Variants in GLYR1 observed in about 807,000 individuals in gnomAD.
The protein encoded by GLYR1 is cytokine-like nuclear factor N-PAC.
Under a neutral mutation model 72.7 loss-of-function variants are expected in GLYR1, and 21 were observed. That is an observed-to-expected ratio of 0.29 (90% CI 0.20 to 0.42). The LOEUF is 0.42. Ranked by LOEUF, GLYR1 falls within the 10% of genes least tolerant of loss-of-function variation. GLYR1 has a pLI of 1.00. For synonymous variants in GLYR1, 392 were observed against 270.2 expected, an observed-to-expected ratio of 1.45 and a Z score of -4.42; for missense variants, 594 against 712.1, an observed-to-expected ratio of 0.83 and a Z score of 1.89.
chr16:4,823,239 C>G (rs532032144), intron 6 of GLYR1, among the ~76,000 whole-genome samples: 1 of 152,360 alleles, frequency 6.6e-6, no homozygotes, highest in Admixed American at 6.5e-5. Context: ...AAATTCGGTA[C>G]TCATCAGGCA....
rs1396394883 is a variant in GLYR1, at chr16:4,821,321, C to A, written c.806+59G>T. On this transcript the variant is annotated intron_variant, in intron 9 of 15. Transcript: ENST00000321919. ...CCTTAAAGAACCCCCCTGGGGTCAC[C>A]TTCTCCCCACCCTCAGCAGAACCAG... 3.8e-6 allele frequency: 6 copies of A among 1,575,692 alleles called. No individual in the cohort carries two copies. The South Asian group carries it at 5.5e-5, about 15-fold the overall frequency.
chr16:4,811,056 G>T lies in GLYR1; in HGVS notation c.1587+114C>A, dbSNP rs1049369674. The T allele has an allele frequency of 1.2e-5, 16 of 1,324,522 alleles. No individual in the cohort carries two copies. In the African/African-American group the frequency reaches 2.1e-4, roughly 17 times the overall value. 82.0% of individuals were successfully genotyped at this position (1,324,522 alleles called of 1,614,324 possible). On this transcript the variant is annotated intron_variant, in intron 15 of 15. Coordinates refer to ENST00000321919, the MANE Select transcript of GLYR1 (RefSeq NM_032569.4). The stretch of plus-strand genomic sequence containing the variant: ...GGAGGCGGAGGTTGCATTGAGCTGA[G>T]ATCGCACCAGTGCACTCTAGCCTGG...
At chr16:4,847,179 G>T (rs1393764443) in intron 1 of GLYR1, 49 bp downstream of exon 1, 1 of 1,549,552 alleles carries the variant, frequency 6.5e-7, no homozygotes, top group Non-Finnish European at 8.8e-7. Flanking sequence ...CCGCGCCCAG[G>T]CGGGTAGCTC....
chr16:4,821,523 T>C lies in GLYR1; in HGVS notation c.732+24A>G, dbSNP rs202147519. Reference sequence around the variant, plus strand: ...TTAAGGCCCCAGGTGAAAATTAAAATGGGGAGGCATGGAGCCTACATACCT... The same window carrying C: ...TTAAGGCCCCAGGTGAAAATTAAAACGGGGAGGCATGGAGCCTACATACCT... On this transcript the variant is annotated intron_variant, in intron 8 of 15. Transcript: ENST00000321919. 6 of 1,613,962 alleles carry C rather than the reference T, an allele frequency of 3.7e-6. No homozygotes were observed. In the Admixed American group the frequency reaches 1.0e-4, roughly 27 times the overall value.
At chr16:4,808,168 G>C (rs1367320368) in intron 15 of GLYR1, among the ~76,000 whole-genome samples, 1 of 149,986 alleles carries the variant, frequency 6.7e-6, no homozygotes, top group African/African-American at 2.5e-5. Context: ...CCCAAGAGGT[G>C]GGGGCTGCAG....
chr16:4,826,199 C>T (rs921124401), intron 5 of GLYR1, among the ~76,000 whole-genome samples: 1 of 152,210 alleles, frequency 6.6e-6, no homozygotes, highest in Non-Finnish European at 1.5e-5. Flanking sequence ...AGGTGTGTGC[C>T]ACTACGCCCA....
Position 4,813,815 on chromosome 16 carries a change from C to A in GLYR1, c.1041G>T (p.Val347=), listed in dbSNP as rs200360829. ...ACTTCCCAGGGCGGATCCCTTGCAG[C>A]ACACCACTGGGGCCCAGCACCAGCT... The part of the protein sequence containing the change: ...AKDLVLGPSG[V]LQGIRPGKCY... Residue 347 remains valine, a synonymous_variant, in exon 12 of 16, where the codon GTG becomes GTT. Coordinates refer to ENST00000321919, the MANE Select transcript of GLYR1 (RefSeq NM_032569.4). 1.9e-6 allele frequency: 3 copies of A among 1,612,760 alleles called. No individual in the cohort carries two copies. Among genetic ancestry groups the A allele is most frequent in the Non-Finnish European group, 2.5e-6 (3 of 1,179,444 alleles).
chr16:4,827,770 G>T (rs1001258934), intron 5 of GLYR1, among the ~76,000 whole-genome samples: 2 of 151,864 alleles, frequency 1.3e-5, no homozygotes, highest in Non-Finnish European at 2.9e-5. Context: ...CGTGGTGGCG[G>T]GCACCTGTAG....
intron 1 of GLYR1, chr16:4,846,916 C>T (rs1026977340): frequency 1.8e-4 from 79 of 444,048 alleles, no homozygotes; most frequent in African/African-American, 1.3e-3. Context: ...GGGGACCGGT[C>T]GTCCGGGGAA....
chr16:4,845,012 G>C, intron 3 of GLYR1, 62 bp downstream of exon 3: 2 of 1,070,552 alleles, frequency 1.9e-6, no homozygotes, highest in Non-Finnish European at 2.9e-6. Flanking sequence ...TTTCAAAGCA[G>C]CTCAGACTCC....
intron 3 of GLYR1, among the ~76,000 whole-genome samples, chr16:4,836,378 CTT>C (rs2085133933): frequency 1.3e-5 from 2 of 152,178 alleles, no homozygotes; most frequent in Admixed American, 1.3e-4. Context: ...GAAGCTGTAA[CTT>C]TTGATTTTCC....
At chr16:4,845,647 T>C (rs1180768849) in intron 2 of GLYR1, among the ~76,000 whole-genome samples, 1 of 151,970 alleles carries the variant, frequency 6.6e-6, no homozygotes, top group Non-Finnish European at 1.5e-5. Flanking sequence ...AAAGAGACCA[T>C]CTAAAGACAC....
In GLYR1 at chr16:4,812,114, C is replaced by T. The variant is rs1191180503; in HGVS notation, c.1254G>A (p.Gln418=). The T allele has an allele frequency of 5.0e-6, 8 of 1,614,010 alleles. No homozygotes were observed. In the African/African-American group the frequency reaches 5.3e-5, roughly 11 times the overall value. ...GGAAGAAGGAGGTCTTCCCCATCGC[C>T]TGGAAGCAGCTGCTGCAGTCCTCAT... is the stretch of plus-strand genomic sequence containing the variant. ...GLYEDCSSCF[Q]AMGKTSFFLG... The change falls in exon 13 of 16, where the codon CAG becomes CAA. Residue 418 remains glutamine (Q), a synonymous_variant. Transcript: ENST00000321919.
intron 5 of GLYR1, among the ~76,000 whole-genome samples, chr16:4,830,622 G>A (rs1449507140): frequency 6.6e-6 from 1 of 152,120 alleles, no homozygotes; most frequent in Non-Finnish European, 1.5e-5. Flanking sequence ...TCATGGCCTC[G>A]TCACCCAACT....
At chr16:4,814,470 G>T in intron 11 of GLYR1, 67 bp downstream of exon 11, 2 of 1,189,904 alleles carry the variant, frequency 1.7e-6, no homozygotes, top group African/African-American at 1.5e-5. Flanking sequence ...AGGGGAGGAG[G>T]GGAAGAGGCC....
chr16:4,812,439 G>A (rs1016690468), intron 12 of GLYR1, among the ~76,000 whole-genome samples, 191 bp from the exon 13 acceptor site: 18 of 151,928 alleles, frequency 1.2e-4, no homozygotes, highest in Middle Eastern at 3.5e-3. Context: ...CACACAGGCC[G>A]AATCACAGCA....
chr16:4,832,392 A>AT (rs1203220036), intron 4 of GLYR1, 171 bp from the exon 5 acceptor site: 1 of 770,162 alleles, frequency 1.3e-6, no homozygotes. Context: ...AGATTTAAAA[A>AT]ATATATATAT....
intron 3 of GLYR1, among the ~76,000 whole-genome samples, chr16:4,843,242 C>G (rs765590803): frequency 6.6e-6 from 1 of 152,174 alleles, no homozygotes; most frequent in Non-Finnish European, 1.5e-5. Context: ...ACAATCTCTG[C>G]CTCCTGGGTT....
chr16:4,841,140 G>C (rs1314782053), intron 3 of GLYR1, among the ~76,000 whole-genome samples: 1 of 152,116 alleles, frequency 6.6e-6, no homozygotes, highest in Non-Finnish European at 1.5e-5. Flanking sequence ...ACCTTCGTCA[G>C]TTAGAAATTA....
Sources: allele counts gnomAD v4.1 joint callset (sites outside exome capture counted in the v4.1 genomes callset), GRCh38; gene constraint gnomAD v4.1.1; transcripts MANE v1.5; gene names NCBI Gene and HGNC (gene_info 2026-07-23, HGNC 2026-07-21).